SYNE2: variants seen among roughly 807,000 people sequenced by gnomAD.
The protein encoded by SYNE2 is spectrin repeat containing nuclear envelope protein 2, also known as nesprin-2.
A neutral mutation model predicts 856.3 loss-of-function variants in SYNE2; 431 were observed. The observed-to-expected ratio is 0.50, with a 90% CI of 0.47 to 0.55. SYNE2 has a LOEUF of 0.55. Ranked by LOEUF, SYNE2 falls within the 20% of genes least tolerant of loss-of-function variation. The pLI, the probability that SYNE2 is intolerant of heterozygous loss-of-function variation, is 0.00. For synonymous variants in SYNE2, 2,923 were observed against 2,872.3 expected, an observed-to-expected ratio of 1.02 and a Z score of -0.56; for missense variants, 8,129 against 8,023.2, an observed-to-expected ratio of 1.01 and a Z score of -0.50.
At chr14:63,966,872 T>C (rs1410412672) in intron 10 of SYNE2, among the ~76,000 whole-genome samples, 1 of 151,610 alleles carries the variant, frequency 6.6e-6, no homozygotes, top group Non-Finnish European at 1.5e-5. Flanking sequence ...TTGATAACTC[T>C]TTTTTTTGTT....
intron 74 of SYNE2, 34 bp downstream of exon 74, chr14:64,128,587 C>A: frequency 7.6e-7 from 1 of 1,312,474 alleles, no homozygotes; most frequent in Non-Finnish European, 1.1e-6. Context: ...ACTGACTTAA[C>A]TTTGAACCAC....
At chr14:63,844,412 A>G (rs926554602) in intron 1 of SYNE2, among the ~76,000 whole-genome samples, 4 of 152,196 alleles carry the variant, frequency 2.6e-5, no homozygotes, top group Non-Finnish European at 4.4e-5. Context: ...TTATTTATCC[A>G]TTTACTTACT....
chr14:64,042,513 C>T (rs1426351007), intron 45 of SYNE2, among the ~76,000 whole-genome samples: 1 of 152,120 alleles, frequency 6.6e-6, no homozygotes, highest in African/African-American at 2.4e-5. Flanking sequence ...CCCACAATTC[C>T]GACATGTCAT....
At chr14:63,828,965 A>G (rs1889565384) in intron 1 of SYNE2, among the ~76,000 whole-genome samples, 1 of 152,114 alleles carries the variant, frequency 6.6e-6, no homozygotes, top group African/African-American at 2.4e-5. Context: ...ACTCAACTGA[A>G]ACTCCAATGA....
At chr14:63,868,600 A>T (rs1263709304) in intron 1 of SYNE2, among the ~76,000 whole-genome samples, 6 of 152,210 alleles carry the variant, frequency 3.9e-5, no homozygotes, top group Non-Finnish European at 8.8e-5. Context: ...CCAAGGTCCC[A>T]GGTGTCAGAA....
chr14:64,142,576 C>T (rs2098147611), intron 82 of SYNE2, among the ~76,000 whole-genome samples: 1 of 152,144 alleles, frequency 6.6e-6, no homozygotes, highest in Non-Finnish European at 1.5e-5. Context: ...GGTGACTTTC[C>T]TGGATTAGAT....
intron 1 of SYNE2, among the ~76,000 whole-genome samples, chr14:63,797,947 C>T (rs1887983800): frequency 6.6e-6 from 1 of 152,192 alleles, no homozygotes; most frequent in Non-Finnish European, 1.5e-5. Flanking sequence ...CTTAGCAAAA[C>T]TAAACTTGAA....
chr14:64,149,763 G>T (rs1481432175), intron 84 of SYNE2, among the ~76,000 whole-genome samples: 2 of 152,092 alleles, frequency 1.3e-5, no homozygotes, highest in Non-Finnish European at 2.9e-5. Flanking sequence ...ATTAGCAAAA[G>T]ATTATTTTTA....
At chr14:64,163,698 C>G (rs970021972) in intron 89 of SYNE2, 117 bp downstream of exon 89, 1 of 1,139,352 alleles carries the variant, frequency 8.8e-7, no homozygotes, top group Admixed American at 2.0e-5. Context: ...AAATTACAGA[C>G]TGAAGCTGCT....
intron 1 of SYNE2, among the ~76,000 whole-genome samples, chr14:63,766,420 A>T (rs1418571871): frequency 6.6e-6 from 1 of 152,172 alleles, no homozygotes; most frequent in Non-Finnish European, 1.5e-5. Flanking sequence ...ATAATGCTAA[A>T]TGTTGAATAC....
chr14:63,861,543 C>G (rs1481942061), intron 1 of SYNE2, among the ~76,000 whole-genome samples: 1 of 148,484 alleles, frequency 6.7e-6, no homozygotes, highest in Non-Finnish European at 1.5e-5. Context: ...GTAATCCCAG[C>G]ATTTTGGGAG....
At chr14:63,792,447 C>T (rs1403868651) in intron 1 of SYNE2, among the ~76,000 whole-genome samples, 2 of 151,932 alleles carry the variant, frequency 1.3e-5, no homozygotes, top group African/African-American at 2.4e-5. Context: ...CCCAGCTACT[C>T]GGGAGGCTGA....
In SYNE2 at chr14:63,834,424, A is replaced by C. The variant is rs1341111701; in HGVS notation, c.-304-18077A>C. ...TGGGTTATTTTGTTTGTTTGTTTAA[A>C]GTTCTTCAGACTGATTTAGTAATGA... On this transcript the variant is annotated intron_variant, in intron 1 of 23. Coordinates refer to the SYNE2 transcript ENST00000674003. Among the ~76,000 whole-genome samples, 3 of 152,152 alleles carry C rather than the reference A, an allele frequency of 2.0e-5. No homozygotes were observed. The East Asian group carries it at 5.8e-4, about 29-fold the overall frequency.
intron 52 of SYNE2, 65 bp from the exon 53 acceptor site, chr14:64,073,903 C>A: frequency 2.0e-6 from 3 of 1,533,170 alleles, no homozygotes; most frequent in Non-Finnish European, 2.7e-6. Flanking sequence ...TGCAATAAAA[C>A]TGTTTCATTT....
At chr14:64,220,909 CA>C (rs1419724080) in intron 111 of SYNE2, among the ~76,000 whole-genome samples, 1 of 152,104 alleles carries the variant, frequency 6.6e-6, no homozygotes, top group Non-Finnish European at 1.5e-5. Flanking sequence ...GATGCCACCC[CA>C]CAACTCCTCT....
At position 64,151,808 on chromosome 14, in the gene SYNE2, C is replaced by T. The variant is rs1024238804; in HGVS notation, c.15640-756C>T. Among the ~76,000 whole-genome samples the T allele has an allele frequency of 9.2e-5, 14 of 152,288 alleles. 1 individual carries two copies. The highest frequency in any genetic ancestry group is 7.2e-4 in the Admixed American group (11 of 15,298). ...TGTTTTCCAGTTTCTTTGTAATGAG[C>T]ATGTAATGCTTTAATAATTTTTAAA... On this transcript the variant is annotated intron_variant, in intron 84 of 115. Transcript: ENST00000555002.
chr14:63,948,253 A>G (rs2096069103), intron 6 of SYNE2, among the ~76,000 whole-genome samples: 1 of 152,146 alleles, frequency 6.6e-6, no homozygotes, highest in African/African-American at 2.4e-5. Context: ...TTTTAGAAAA[A>G]AATTGACATT....
rs970049369 is a variant in SYNE2 at position 64,048,007 on chromosome 14, C to T, written c.7229C>T (p.Ala2410Val). The T allele has an allele frequency of 1.2e-6, 2 of 1,613,518 alleles. No individual in the cohort carries two copies. The highest frequency in any genetic ancestry group is 2.7e-5 in the African/African-American group (2 of 74,884). ...TCTTTTTATGTATTTCAGGATTCAG[C>T]TGTGGAAATGGCTATGTCAAAACAA... ...EEDWEINKDS[A>V]VEMAMSKQLS... Residue 2410 changes from alanine to valine, a missense_variant, in exon 46 of 116, where the codon GCT becomes GTT. Coordinates refer to ENST00000555002, the MANE Select transcript of SYNE2 (RefSeq NM_182914.3).
intron 1 of SYNE2, among the ~76,000 whole-genome samples, chr14:63,804,637 G>A (rs1254413600): frequency 6.6e-6 from 1 of 152,108 alleles, no homozygotes; most frequent in Non-Finnish European, 1.5e-5. Flanking sequence ...GTGATTACAG[G>A]CATGTGCCAC....
Sources: gnomAD v4.1 joint callset for allele counts (sites outside exome capture counted in the v4.1 genomes callset) on GRCh38, gnomAD v4.1.1 for gene constraint, MANE v1.5 for transcripts, NCBI Gene and HGNC (gene_info 2026-07-23, HGNC 2026-07-21) for gene names.